BANK1: variants seen among roughly 807,000 people sequenced by gnomAD.
BANK1 encodes B-cell scaffold protein with ankyrin repeats.
BANK1 carries 95 observed loss-of-function variants against 94.5 expected under a neutral mutation model. The observed-to-expected ratio is 1.00, with a 90% CI of 0.85 to 1.19. BANK1 has a LOEUF of 1.19. BANK1 is among the 50% of genes most tolerant of loss of function. The pLI, the probability that BANK1 is intolerant of heterozygous loss-of-function variation, is 0.00. For synonymous variants in BANK1, 334 were observed against 308.4 expected (o/e 1.08, Z -0.87); for missense variants, 987 against 932.2 (o/e 1.06, Z -0.77).
chr4:102,070,431 A>G (rs1016500992), intron 13 of BANK1, among the ~76,000 whole-genome samples: 23 of 152,220 alleles, frequency 1.5e-4, no homozygotes, highest in South Asian at 4.1e-4. Context: ...GTCATACTCC[A>G]CCATTTTATC....
In BANK1 at chr4:102,006,937, G is replaced by T. The variant is rs181161327; in HGVS notation, c.1207-14577G>T. 4.4e-4 allele frequency among the ~76,000 whole-genome samples: 65 copies of T among 148,190 alleles called. 1 individual carries two copies. The highest frequency in any genetic ancestry group is 1.4e-3 in the African/African-American group (55 of 40,322). ...AGATTTGTCAACTTGTTATGTAAAA[G>T]AACATCTTTCTGTGGCCTGTATTTA... On this transcript the variant is annotated intron_variant, in intron 7 of 16. Coordinates refer to ENST00000322953, the MANE Select transcript of BANK1 (RefSeq NM_017935.5).
In BANK1 at chr4:102,030,028, G is replaced by A. The variant is rs765102387; in HGVS notation, c.1663G>A (p.Gly555Arg). ...TCATCCTGGTGTTAGACAAGAAACA[G>A]GAGATGAACCCAAAGGAGAAAAAGA... ...WGHPGVRQET[G>R]DEPKGEKEKK... The change falls in exon 10 of 17, where the codon GGA becomes AGA. Residue 555 changes from glycine to arginine, a missense_variant. By Grantham distance (125) the Gly-to-Arg change is moderately radical. Transcript: ENST00000322953. 10 of 1,613,732 alleles carry A rather than the reference G, an allele frequency of 6.2e-6. No homozygotes were observed. The East Asian group carries it at 2.2e-4, about 36-fold the overall frequency.
chr4:102,010,848 C>T (rs1726482342), intron 7 of BANK1, among the ~76,000 whole-genome samples: 1 of 152,148 alleles, frequency 6.6e-6, no homozygotes, highest in Non-Finnish European at 1.5e-5. Context: ...GTAACTGAAT[C>T]CTTACTTTAC....
chr4:101,855,210 A>G, intron 3 of BANK1, 21 bp downstream of exon 3: 2 of 1,603,838 alleles, frequency 1.2e-6, no homozygotes, highest in Admixed American at 3.4e-5. Context: ...ATACCTTGTT[A>G]TTTAAGTGAC....
intron 2 of BANK1, among the ~76,000 whole-genome samples, chr4:101,838,475 ATTTTT>A (rs201416654): frequency 6.6e-6 from 1 of 151,072 alleles, no homozygotes; most frequent in South Asian, 2.1e-4. Flanking sequence ...CTAAAAGCTG[ATTTTT>A]TTTTAACATT....
chr4:102,029,994 A>C lies in BANK1; in HGVS notation c.1629A>C (p.Gln543His). Reference protein sequence around the residue: ...TMVEGQMERSQNWGHPGVRQE... With the variant: ...TMVEGQMERSHNWGHPGVRQE... ...TGGAAGGCCAAATGGAAAGAAGTCAAAACTGGGGTCATCCTGGTGTTAGAC... is the reference window on the plus strand; with the variant it reads ...TGGAAGGCCAAATGGAAAGAAGTCACAACTGGGGTCATCCTGGTGTTAGAC... The change falls in exon 10 of 17, where the codon CAA becomes CAC. Residue 543 changes from glutamine to histidine, a missense_variant. Physicochemically the swap from Gln to His is conservative, Grantham distance 24 (BLOSUM62 0). Coordinates refer to ENST00000322953, the MANE Select transcript of BANK1 (RefSeq NM_017935.5). 1 of 1,611,780 alleles carries C rather than the reference A, an allele frequency of 6.2e-7. No individual in the cohort carries two copies. Among genetic ancestry groups the C allele is most frequent in the South Asian group, 1.1e-5 (1 of 90,478 alleles).
intron 7 of BANK1, among the ~76,000 whole-genome samples, chr4:101,983,686 C>T (rs1725391439): frequency 6.6e-6 from 1 of 152,016 alleles, no homozygotes; most frequent in South Asian, 2.1e-4. Flanking sequence ...TGATTAAAGA[C>T]TTCCTATCAC....
At chr4:102,046,604 A>T (rs1220129605) in intron 11 of BANK1, among the ~76,000 whole-genome samples, 2 of 152,142 alleles carry the variant, frequency 1.3e-5, no homozygotes, top group African/African-American at 2.4e-5. Flanking sequence ...TATGGTTTGC[A>T]CTAAATGCCA....
At chr4:102,058,812 A>T (rs1323907670) in intron 11 of BANK1, among the ~76,000 whole-genome samples, 2 of 151,522 alleles carry the variant, frequency 1.3e-5, no homozygotes, top group Non-Finnish European at 2.9e-5. Context: ...GAAAAAGTAA[A>T]AAAAAAATAA....
chr4:102,036,078 A>T (rs3113674), intron 10 of BANK1, among the ~76,000 whole-genome samples: 151,899 of 152,376 alleles, frequency 1, 75,712 homozygotes, highest in Middle Eastern at 1. Flanking sequence ...TATTTTCCTC[A>T]CACACAATTA....
intron 1 of BANK1, among the ~76,000 whole-genome samples, chr4:101,812,701 T>G (rs1725767084): frequency 6.6e-6 from 1 of 152,064 alleles, no homozygotes; most frequent in Non-Finnish European, 1.5e-5. Flanking sequence ...TTCACATTTT[T>G]TATTAAAATT....
chr4:101,980,082 T>A (rs1212097511), intron 7 of BANK1, among the ~76,000 whole-genome samples: 1 of 151,838 alleles, frequency 6.6e-6, no homozygotes, highest in Non-Finnish European at 1.5e-5. Flanking sequence ...AAAAGTTTTT[T>A]TCTTATTTTT....
At chr4:102,037,533 C>T (rs1053469331) in intron 10 of BANK1, among the ~76,000 whole-genome samples, 3 of 152,062 alleles carry the variant, frequency 2.0e-5, no homozygotes, top group Admixed American at 2.0e-4. Context: ...AGTAGCTCTT[C>T]GAGAAAAATA....
chr4:101,925,518 A>C (rs942645554), intron 7 of BANK1, among the ~76,000 whole-genome samples: 1 of 151,784 alleles, frequency 6.6e-6, no homozygotes, highest in African/African-American at 2.4e-5. Flanking sequence ...AATAATATAC[A>C]TGTGCTTACA....
At chr4:101,818,204 A>G (rs1725996085) in intron 1 of BANK1, among the ~76,000 whole-genome samples, 1 of 152,158 alleles carries the variant, frequency 6.6e-6, no homozygotes, top group South Asian at 2.1e-4. Context: ...AAGTCAGGGA[A>G]AGGTTACTGC....
intron 10 of BANK1, among the ~76,000 whole-genome samples, chr4:102,040,928 C>T (rs1012629771): frequency 2.6e-5 from 4 of 151,984 alleles, no homozygotes; most frequent in Non-Finnish European, 4.4e-5. Flanking sequence ...GCCGTTTTTC[C>T]ATGTCACTCA....
At chr4:101,792,263 C>CCA (rs1464598228) in intron 1 of BANK1, among the ~76,000 whole-genome samples, 1 of 140,098 alleles carries the variant, frequency 7.1e-6, no homozygotes, top group Non-Finnish European at 1.6e-5. Flanking sequence ...GCTCCCCCCC[C>CCA]GCCCCGCCCC....
intron 7 of BANK1, among the ~76,000 whole-genome samples, chr4:101,979,623 A>G (rs190850869): frequency 1.2e-3 from 176 of 152,024 alleles, no homozygotes; most frequent in Non-Finnish European, 2.0e-3. Flanking sequence ...ATCTATGTCT[A>G]TCTCTCTATA....
At chr4:101,936,974 A>G (rs1404367702) in intron 7 of BANK1, among the ~76,000 whole-genome samples, 1 of 151,650 alleles carries the variant, frequency 6.6e-6, no homozygotes, top group East Asian at 2.0e-4. Flanking sequence ...AAAGGAAATC[A>G]GTATTTTGAA....
Sources: allele counts gnomAD v4.1 joint callset (sites outside exome capture counted in the v4.1 genomes callset), GRCh38; gene constraint gnomAD v4.1.1; transcripts MANE v1.5; gene names NCBI Gene and HGNC (gene_info 2026-07-23, HGNC 2026-07-21).